SLC25A37: variants seen among roughly 807,000 people sequenced by gnomAD.
SLC25A37 encodes solute carrier family 25 member 37.
Under a neutral mutation model 31.0 loss-of-function variants are expected in SLC25A37, and 17 were observed. The observed-to-expected ratio is 0.55, with a 90% CI of 0.38 to 0.82. SLC25A37 has a LOEUF of 0.82. Among genes scored for constraint, SLC25A37 ranks in the 40% least tolerant of loss-of-function variants. The pLI is 0.00. For missense variants in SLC25A37, 404 were observed against 465.8 expected (o/e 0.87, Z 1.22); for synonymous variants, 222 against 193.0 (o/e 1.15, Z -1.24).
chr8:23,565,135 G>A (rs893329175), intron 1 of SLC25A37, among the ~76,000 whole-genome samples: 1 of 152,198 alleles, frequency 6.6e-6, no homozygotes, highest in East Asian at 1.9e-4. Flanking sequence ...GCCTTCAGCT[G>A]ATTAAATGAG....
At chr8:23,547,038 A>G (rs1802088080) in intron 1 of SLC25A37, among the ~76,000 whole-genome samples, 1 of 152,156 alleles carries the variant, frequency 6.6e-6, no homozygotes, top group Non-Finnish European at 1.5e-5. Flanking sequence ...CTTGTTTTCA[A>G]ATTCCCTTGA....
At chr8:23,534,887 T>C (rs1310352656) in intron 1 of SLC25A37, among the ~76,000 whole-genome samples, 1 of 152,170 alleles carries the variant, frequency 6.6e-6, no homozygotes, top group Admixed American at 6.5e-5. Context: ...CATCACTTTC[T>C]CTCATTCCCT....
rs556379876 is a variant in SLC25A37 at position 23,572,747 on chromosome 8, T to C, written c.*892T>C. ...CTTGCTGTGTACACACACGCACACA[T>C]GCTGGGTGGCAGGATCTCGCCCGCT... On this transcript the variant is annotated 3_prime_UTR_variant, in exon 4 of 4. Transcript: ENST00000519973. 2.2e-4 allele frequency: 33 copies of C among 152,172 alleles called. No homozygotes were observed. The highest frequency in any genetic ancestry group is 7.0e-4 in the African/African-American group (29 of 41,508). The allele number at this position is 152,172 out of a possible 1,614,324, so 9.4% of individuals were successfully genotyped here. A position where few individuals can be genotyped will look rare whatever the true frequency, so the allele number is the denominator to read the frequency against.
rs909593005 is a variant in SLC25A37 at position 23,529,818 on chromosome 8, G to A, written c.210+606G>A. Among the ~76,000 whole-genome samples the A allele has an allele frequency of 2.0e-5, 3 of 152,154 alleles. No homozygotes were observed. Among genetic ancestry groups the A allele is most frequent in the Non-Finnish European group, 4.4e-5 (3 of 68,036 alleles). ...GGCCCGTGGGATCCCCTTTCTGAGG[G>A]TTCCTGCACTTCTTCCCCCGACTTT... On this transcript the variant is annotated intron_variant, in intron 1 of 3. Transcript: ENST00000519973. This position sits in a 1 kb window ranked among gnomAD's most constrained non-coding sequence, Gnocchi z 4.1.
intron 1 of SLC25A37, among the ~76,000 whole-genome samples, chr8:23,539,288 T>TTCCGGG (rs11281137): frequency 0.091 from 13,849 of 152,078 alleles, 1,820 homozygotes; most frequent in African/African-American, 0.29. Flanking sequence ...AGGGAACTTC[T>TTCCGGG]TCCGGGTCCA....
chr8:23,548,470 G>A (rs1338433739), intron 1 of SLC25A37, among the ~76,000 whole-genome samples: 2 of 141,266 alleles, frequency 1.4e-5, no homozygotes, highest in African/African-American at 5.5e-5. Flanking sequence ...GAGCCACCAC[G>A]TCCGGGCTTT....
chr8:23,553,246 C>G (rs967778132), intron 1 of SLC25A37, among the ~76,000 whole-genome samples: 1 of 151,960 alleles, frequency 6.6e-6, no homozygotes, highest in African/African-American at 2.4e-5. Flanking sequence ...CATGGTGAAA[C>G]CCAGTCTCTA....
chr8:23,534,127 T>C (rs931645556), intron 1 of SLC25A37, among the ~76,000 whole-genome samples: 1 of 152,086 alleles, frequency 6.6e-6, no homozygotes, highest in Non-Finnish European at 1.5e-5. Context: ...TTTTTTGTAT[T>C]TTTTTGTAGA....
intron 1 of SLC25A37, among the ~76,000 whole-genome samples, chr8:23,544,709 A>T (rs1801990301): frequency 6.6e-6 from 1 of 152,148 alleles, no homozygotes. Context: ...GTCCCTGAGA[A>T]CATCACAGCC....
rs557468119 is a variant in SLC25A37 at position 23,558,462 on chromosome 8, A to T, written c.211-7646A>T. Reference sequence around the variant, plus strand: ...GGCTGGATGTGGTCTCCCTAGGGCCATTGTTGCTTCTGTTACATGATCCCG... The same window carrying T: ...GGCTGGATGTGGTCTCCCTAGGGCCTTTGTTGCTTCTGTTACATGATCCCG... On this transcript the variant is annotated intron_variant, in intron 1 of 3. Coordinates refer to ENST00000519973, the MANE Select transcript of SLC25A37 (RefSeq NM_016612.4). Among the ~76,000 whole-genome samples, 5 of 152,158 alleles carry T rather than the reference A, an allele frequency of 3.3e-5. No homozygotes were observed. In the East Asian group the frequency reaches 7.7e-4, roughly 24 times the overall value.
intron 1 of SLC25A37, among the ~76,000 whole-genome samples, chr8:23,535,076 T>C (rs1231994139): frequency 6.6e-6 from 1 of 152,168 alleles, no homozygotes; most frequent in African/African-American, 2.4e-5. Flanking sequence ...CCTGAGATCT[T>C]AAATCCAGAT....
At chr8:23,540,810 C>T (rs1221382515) in intron 1 of SLC25A37, among the ~76,000 whole-genome samples, 2 of 152,190 alleles carry the variant, frequency 1.3e-5, no homozygotes, top group African/African-American at 4.8e-5. Context: ...TAACGGTGCC[C>T]ATCCTGCCTC....
chr8:23,534,223 G>A (rs1253179332), intron 1 of SLC25A37, among the ~76,000 whole-genome samples: 1 of 152,298 alleles, frequency 6.6e-6, no homozygotes, highest in African/African-American at 2.4e-5. Context: ...AAAGTGCTGG[G>A]ATTACAGGCA....
In SLC25A37 at chr8:23,572,407, G is replaced by GT. The variant is rs1192237773; in HGVS notation, c.*557dup. The GT allele has an allele frequency of 1.3e-5, 2 of 152,268 alleles. No homozygotes were observed. The highest frequency in any genetic ancestry group is 2.9e-5 in the Non-Finnish European group (2 of 68,074). The allele number at this position is 152,268 out of a possible 1,614,324, so 9.4% of individuals were successfully genotyped here. On this transcript the variant is annotated 3_prime_UTR_variant, in exon 4 of 4. Coordinates refer to ENST00000519973, the MANE Select transcript of SLC25A37 (RefSeq NM_016612.4). ...CTCCAGCTGTTTTTGTTGTTGTTATGTTTTTAAGAGGGTTGAATTCTTCCA... is the reference window on the plus strand; with the variant it reads ...CTCCAGCTGTTTTTGTTGTTGTTATGTTTTTTAAGAGGGTTGAATTCTTCCA...
intron 1 of SLC25A37, among the ~76,000 whole-genome samples, chr8:23,546,600 GTA>G (rs1391472913): frequency 1.2e-3 from 71 of 57,294 alleles, no homozygotes; most frequent in African/African-American, 8.4e-3. Flanking sequence ...TATATATAGT[GTA>G]TGTGTGTGTG....
rs1255449333 is a variant in SLC25A37, at chr8:23,529,235, G to C, written c.210+23G>C. On this transcript the variant is annotated intron_variant, in intron 1 of 3. Transcript: ENST00000519973. The surrounding 1 kb of genome is among the most constrained non-coding windows in gnomAD (Gnocchi z 4.1). ...AAGGTGAGGCGCGGGGAGACTTCGGGGACGCAACGAGCGGAGAAGGAGCGC... is the reference window on the plus strand; with the variant it reads ...AAGGTGAGGCGCGGGGAGACTTCGGCGACGCAACGAGCGGAGAAGGAGCGC... The C allele has an allele frequency of 3.1e-6, 5 of 1,596,074 alleles. No individual in the cohort carries two copies. Among genetic ancestry groups the C allele is most frequent in the Non-Finnish European group, 4.3e-6 (5 of 1,172,408 alleles).
chr8:23,541,622 A>C (rs1251877278), intron 1 of SLC25A37: 2 of 152,302 alleles, frequency 1.3e-5, no homozygotes, highest in Non-Finnish European at 2.9e-5. Context: ...GCCTGCAGGA[A>C]GCTGGCCAGC....
intron 1 of SLC25A37, among the ~76,000 whole-genome samples, chr8:23,556,360 AC>A (rs1464776289): frequency 6.6e-6 from 1 of 151,558 alleles, no homozygotes; most frequent in African/African-American, 2.4e-5. Flanking sequence ...AGCTAAGACC[AC>A]TGGCACCCAC....
intron 1 of SLC25A37, among the ~76,000 whole-genome samples, chr8:23,537,261 C>A (rs1272596809): frequency 6.6e-6 from 1 of 151,328 alleles, no homozygotes; most frequent in African/African-American, 2.4e-5. Context: ...CCCATTGCTG[C>A]TTTGTTTTTC....
Sources: gnomAD v4.1 joint callset for allele counts (sites outside exome capture counted in the v4.1 genomes callset) on GRCh38, gnomAD v4.1.1 for gene constraint, Gnocchi (gnomAD v3.1) non-coding constraint, MANE v1.5 for transcripts, NCBI Gene and HGNC (gene_info 2026-07-23, HGNC 2026-07-21) for gene names.